Variants in DMD observed in about 807,000 individuals in gnomAD.
DMD encodes the protein dystrophin.
In DMD, 63 loss-of-function variants were observed where a neutral mutation model predicts 330.1. The ratio of observed to expected loss-of-function variants is 0.19; its 90% confidence interval spans 0.16 to 0.24. The LOEUF (loss-of-function observed/expected upper bound fraction) is 0.24. DMD is among the 10% of genes least tolerant of loss of function. DMD has a pLI of 1.00. For missense variants in DMD, 3,344 were observed against 2,684.1 expected (o/e 1.25, Z -5.43); for synonymous variants, 1,223 against 959.8 (o/e 1.27, Z -5.07).
At chrX:32,532,272 G>C (rs986728897) in intron 17 of DMD, among the ~76,000 whole-genome samples, 2 of 112,017 alleles carry the variant, frequency 1.8e-5, no homozygotes, top group African/African-American at 6.5e-5. Flanking sequence ...TGGGACACTA[G>C]AGTCAATGAT....
intron 43 of DMD, among the ~76,000 whole-genome samples, chrX:32,221,625 G>A (rs952207525): frequency 9.0e-6 from 1 of 111,509 alleles, no homozygotes; most frequent in Non-Finnish European, 1.9e-5. Context: ...TTGTATAGAA[G>A]TAAAATCAGA....
chrX:32,956,853 A>C (rs1167463572), intron 2 of DMD, among the ~76,000 whole-genome samples: 1 of 111,420 alleles, frequency 9.0e-6, no homozygotes, highest in Non-Finnish European at 1.9e-5. Flanking sequence ...AAAACAACTC[A>C]CTACTTCCAG....
chrX:33,261,627 A>AACACACACAC (rs56984530), intron 1 of DMD, among the ~76,000 whole-genome samples: 184 of 89,113 alleles, frequency 2.1e-3, no homozygotes, highest in Middle Eastern at 0.012. Flanking sequence ...ATACGGGAAG[A>AACACACACAC]ACACACACAC....
intron 32 of DMD, among the ~76,000 whole-genome samples, chrX:32,386,911 G>A (rs913608968): frequency 9.1e-6 from 1 of 109,923 alleles, no homozygotes; most frequent in African/African-American, 3.3e-5. Context: ...GAATCACTGG[G>A]AAGTCAGTGG....
chrX:32,262,044 G>A (rs1046953093), intron 43 of DMD, among the ~76,000 whole-genome samples: 20 of 111,857 alleles, frequency 1.8e-4, no homozygotes, highest in Admixed American at 2.9e-4. Flanking sequence ...AAATAAAACA[G>A]TAACTGCCTC....
At chrX:32,533,699 T>C (rs2047687254) in intron 17 of DMD, among the ~76,000 whole-genome samples, 1 of 112,006 alleles carries the variant, frequency 8.9e-6, no homozygotes, top group African/African-American at 3.2e-5. Context: ...AATAGGAAAA[T>C]TAGCATGAAA....
At position 32,427,819 on chromosome X, in the gene DMD, T is replaced by C. The variant is rs192478609; in HGVS notation, c.4071+10422A>G. ...GATTAAATTTCTGTCTCCTCAGGCT[T>C]TCTATATCCCCTTCCATCATTTTTG... On this transcript the variant is annotated intron_variant, in intron 29 of 78. Transcript: ENST00000357033. 1.7e-3 allele frequency among the ~76,000 whole-genome samples: 188 copies of C among 111,255 alleles called. 1 individual carries two copies. Among genetic ancestry groups the C allele is most frequent in the African/African-American group, 5.8e-3 (177 of 30,708 alleles).
At chrX:32,286,624 C>T (rs1163123940) in intron 43 of DMD, among the ~76,000 whole-genome samples, 1 of 111,566 alleles carries the variant, frequency 9.0e-6, no homozygotes, top group African/African-American at 3.3e-5. Flanking sequence ...AAAATGACGG[C>T]CACTGAAAGA....
intron 19 of DMD, among the ~76,000 whole-genome samples, chrX:32,495,926 T>C (rs1012391441): frequency 3.6e-5 from 4 of 111,957 alleles, no homozygotes; most frequent in South Asian, 3.7e-4. Flanking sequence ...CATTTTGTTG[T>C]AGCACATTAG....
intron 13 of DMD, among the ~76,000 whole-genome samples, chrX:32,582,012 C>T (rs756354523): frequency 9.0e-6 from 1 of 111,511 alleles, no homozygotes; most frequent in South Asian, 3.7e-4. Flanking sequence ...AGTGATAAAA[C>T]CTCTTAGAAT....
At chrX:31,345,283 G>C (rs756796011) in intron 61 of DMD, among the ~76,000 whole-genome samples, 37 of 111,288 alleles carry the variant, frequency 3.3e-4, no homozygotes, top group African/African-American at 1.1e-3. Flanking sequence ...GATGTGATAT[G>C]GTTTGAAAGG....
chrX:32,853,160 A>G (rs2081270450), intron 2 of DMD, among the ~76,000 whole-genome samples: 1 of 112,274 alleles, frequency 8.9e-6, no homozygotes, highest in African/African-American at 3.2e-5. Flanking sequence ...CTTCCAAGAC[A>G]GAAGCTGTGG....
Position 33,161,591 on chromosome X carries a change from C to T in DMD, c.31+49691G>A, listed in dbSNP as rs569793597. On this transcript the variant is annotated intron_variant, in intron 1 of 78. Transcript: ENST00000357033. ...GAATCGAGCCCACCTTTTGCTGTTT[C>T]TGAAACATGTATTCTTCCCAGAATA... 1.7e-4 allele frequency among the ~76,000 whole-genome samples: 19 copies of T among 111,170 alleles called. 1 individual carries two copies. The highest frequency in any genetic ancestry group is 5.9e-4 in the African/African-American group (18 of 30,679).
At chrX:32,688,140 T>A (rs1349999379) in intron 9 of DMD, among the ~76,000 whole-genome samples, 1 of 111,238 alleles carries the variant, frequency 9.0e-6, no homozygotes, top group Non-Finnish European at 1.9e-5. Flanking sequence ...ACAGATTAGC[T>A]AAATTCCATC....
intron 44 of DMD, among the ~76,000 whole-genome samples, chrX:32,154,759 A>G (rs1233102713): frequency 9.0e-6 from 1 of 111,708 alleles, no homozygotes; most frequent in Non-Finnish European, 1.9e-5. Context: ...CACTGATACT[A>G]AAAGTTAATT....
intron 1 of DMD, among the ~76,000 whole-genome samples, chrX:33,181,585 G>T (rs771525922): frequency 9.0e-6 from 1 of 111,235 alleles, no homozygotes; most frequent in Non-Finnish European, 1.9e-5. Context: ...CTGTAAAATG[G>T]GAACAATAAT....
intron 65 of DMD, among the ~76,000 whole-genome samples, chrX:31,207,713 C>CTTGAGGG (rs944077086): frequency 1.1e-4 from 12 of 111,577 alleles, no homozygotes; most frequent in African/African-American, 3.9e-4. Flanking sequence ...ATACTGGGGT[C>CTTGAGGG]TTGAGGGTGG....
intron 55 of DMD, among the ~76,000 whole-genome samples, chrX:31,552,505 T>C (rs1017654658): frequency 7.2e-5 from 8 of 111,274 alleles, no homozygotes; most frequent in African/African-American, 1.3e-4. Context: ...GACAGAGAAA[T>C]GGGAGGCAGC....
At chrX:32,658,659 A>G (rs112572867) in intron 9 of DMD, among the ~76,000 whole-genome samples, 1,936 of 110,444 alleles carry the variant, frequency 0.018, 28 homozygotes, top group African/African-American at 0.048. Flanking sequence ...TCCCCCTCCA[A>G]TTGATTCTCA....
Sources: gnomAD v4.1 joint callset for allele counts (sites outside exome capture counted in the v4.1 genomes callset) on GRCh38, gnomAD v4.1.1 for gene constraint, MANE v1.5 for transcripts, NCBI Gene and HGNC (gene_info 2026-07-23, HGNC 2026-07-21) for gene names.